AREL1: variants seen among roughly 807,000 people sequenced by gnomAD.
AREL1 encodes apoptosis resistant E3 ubiquitin protein ligase 1.
AREL1 carries 62 observed loss-of-function variants against 99.0 expected under a neutral mutation model. The ratio of observed to expected loss-of-function variants is 0.63; its 90% confidence interval spans 0.51 to 0.77. The LOEUF (loss-of-function observed/expected upper bound fraction) is 0.77, where lower values mean the gene tolerates loss of function less well. AREL1 is among the 30% of genes least tolerant of loss of function. The pLI is 0.00. For missense variants in AREL1, 879 were observed against 1,027.6 expected (o/e 0.86, Z 1.98); for synonymous variants, 380 against 376.5 (o/e 1.01, Z -0.11).
chr14:74,705,490 A>C (rs778340370), intron 1 of AREL1, among the ~76,000 whole-genome samples: 3 of 152,114 alleles, frequency 2.0e-5, no homozygotes, highest in Non-Finnish European at 4.4e-5. Context: ...CACCCCTGAT[A>C]CTGGTTCTTA....
chr14:74,674,047 C>G lies in AREL1; in HGVS notation c.1145G>C (p.Cys382Ser). The change falls in exon 9 of 20, where the codon TGT becomes TCT. Residue 382 changes from cysteine (C) to serine (S), a missense_variant. Physicochemically the swap from Cys to Ser is moderately radical, Grantham distance 112. Transcript: ENST00000356357. Reference sequence around the variant, plus strand: ...GGTTCAGCTTACTTTTGTTCCTGGACACACTCGGAAGGTGTAAAGGCGCCA... The same window carrying G: ...GGTTCAGCTTACTTTTGTTCCTGGAGACACTCGGAAGGTGTAAAGGCGCCA... ...IPWRLYTFRV[C>S]PGTKFSYLGP... 6.2e-7 allele frequency: 1 copy of G among 1,612,968 alleles called. No homozygotes were observed. The highest frequency in any genetic ancestry group is 8.5e-7 in the Non-Finnish European group (1 of 1,179,038).
chr14:74,665,263 T>G (rs2089189066), intron 17 of AREL1, among the ~76,000 whole-genome samples: 1 of 151,824 alleles, frequency 6.6e-6, no homozygotes, highest in Admixed American at 6.6e-5. Flanking sequence ...AGGTATTTCT[T>G]TCTTTTCTTT....
chr14:74,703,359 C>T (rs1308618270), intron 1 of AREL1, among the ~76,000 whole-genome samples: 2 of 152,134 alleles, frequency 1.3e-5, no homozygotes, highest in Non-Finnish European at 2.9e-5. Flanking sequence ...ACCATGAGAA[C>T]AGTATGAGGG....
At chr14:74,709,191 A>G (rs1025678767) in intron 1 of AREL1, among the ~76,000 whole-genome samples, 1 of 152,210 alleles carries the variant, frequency 6.6e-6, no homozygotes. Context: ...TCTCCCAGCT[A>G]CTCAGGAAGC....
rs562358841 is a variant in AREL1 at position 74,701,208 on chromosome 14, T to C, written c.-333-8880A>G. ...GCCAAGGAAAAAGGCAAATTTTCTA[T>C]GGTTGGGAGCCTGGATAAATGAAGG... On this transcript the variant is annotated intron_variant, in intron 1 of 19. Coordinates refer to ENST00000356357, the MANE Select transcript of AREL1 (RefSeq NM_001039479.2). Among the ~76,000 whole-genome samples the C allele has an allele frequency of 3.3e-5, 5 of 152,246 alleles. No homozygotes were observed. In the South Asian group the frequency reaches 8.3e-4, roughly 25 times the overall value.
At chr14:74,675,179 CT>C (rs945812731) in intron 8 of AREL1, among the ~76,000 whole-genome samples, 2 of 152,174 alleles carry the variant, frequency 1.3e-5, no homozygotes, top group South Asian at 2.1e-4. Flanking sequence ...ACCATCACCC[CT>C]AGTCCAAATT....
rs1250467124 is a variant in AREL1 at position 74,669,711 on chromosome 14, T to G, written c.1852A>C (p.Met618Leu). ...GCAAAGACCAGCTCCATCTCACTCA[T>G]GTCATTGTTGAGGATAAAACAAACT... Reference protein sequence around the residue: ...SKVCFILNNDMSEMELVFAEE... With the variant: ...SKVCFILNNDLSEMELVFAEE... The change falls in exon 15 of 20, where the codon ATG becomes CTG. Residue 618 changes from methionine to leucine, a missense_variant. By Grantham distance (15) the Met-to-Leu change is conservative. Transcript: ENST00000356357. 6.2e-7 allele frequency: 1 copy of G among 1,614,192 alleles called. No individual in the cohort carries two copies. The highest frequency in any genetic ancestry group is 2.2e-5 in the East Asian group (1 of 44,878).
At chr14:74,685,366 A>G (rs1410961726) in intron 3 of AREL1, among the ~76,000 whole-genome samples, 1 of 152,144 alleles carries the variant, frequency 6.6e-6, no homozygotes, top group Non-Finnish European at 1.5e-5. Context: ...TTGAAGGCAG[A>G]TTTTTGTCTT....
chr14:74,687,883 A>C (rs2139931999), intron 2 of AREL1, among the ~76,000 whole-genome samples: 1 of 152,272 alleles, frequency 6.6e-6, no homozygotes, highest in Admixed American at 6.5e-5. Flanking sequence ...TTCAAAAGGC[A>C]TGGCTTCTAT....
chr14:74,676,022 C>T (rs1441322503), intron 7 of AREL1, 76 bp from the exon 8 acceptor site: 16 of 1,545,438 alleles, frequency 1.0e-5, no homozygotes, highest in Non-Finnish European at 9.6e-6. Context: ...GCTTTTAGTC[C>T]ACAGGACAAG....
chr14:74,707,748 C>T (rs1320229557), intron 1 of AREL1, among the ~76,000 whole-genome samples: 34 of 89,100 alleles, frequency 3.8e-4, no homozygotes, highest in Non-Finnish European at 9.3e-5. Context: ...GAGCCGAGAT[C>T]GCGCCACTGC....
chr14:74,699,848 G>A (rs921476031), intron 1 of AREL1, among the ~76,000 whole-genome samples: 1 of 152,188 alleles, frequency 6.6e-6, no homozygotes, highest in South Asian at 2.1e-4. Flanking sequence ...AAACGAATCC[G>A]CTGCTCTTGG....
intron 1 of AREL1, among the ~76,000 whole-genome samples, chr14:74,696,891 G>A (rs551255810): frequency 6.6e-6 from 1 of 152,302 alleles, no homozygotes; most frequent in South Asian, 2.1e-4. Flanking sequence ...TTGAACTTGG[G>A]AGGCTTAAGT....
In AREL1 at chr14:74,662,374, TG is replaced by T. The variant is rs1363707153; in HGVS notation, c.*1345del. The T allele has an allele frequency of 2.6e-6, 1 of 389,968 alleles. No individual in the cohort carries two copies. Among genetic ancestry groups the T allele is most frequent in the Non-Finnish European group, 4.5e-6 (1 of 220,870 alleles). The allele number at this position is 389,968 out of a possible 1,614,324, so 24.2% of individuals were successfully genotyped here. On this transcript the variant is annotated 3_prime_UTR_variant, in exon 20 of 20. Coordinates refer to ENST00000356357, the MANE Select transcript of AREL1 (RefSeq NM_001039479.2). Reference sequence around the variant, plus strand: ...GGCTTGTAATATTCTCAGAGTTGACTGCCCCATTGGGAATGGTAGCTTGCAG... The same window carrying T: ...GGCTTGTAATATTCTCAGAGTTGACTCCCCATTGGGAATGGTAGCTTGCAG...
At chr14:74,692,383 A>T in intron 1 of AREL1, 55 bp from the exon 2 acceptor site, 1 of 368,810 alleles carries the variant, frequency 2.7e-6, no homozygotes, top group Non-Finnish European at 5.3e-6. Flanking sequence ...TCTGAAAAGG[A>T]TTCCCCAGAA....
chr14:74,672,603 G>A (rs2089374358), intron 11 of AREL1, among the ~76,000 whole-genome samples: 1 of 152,032 alleles, frequency 6.6e-6, no homozygotes, highest in African/African-American at 2.4e-5. Context: ...CAGGCATGGT[G>A]ACACATACCT....
chr14:74,672,910 C>G lies in AREL1; in HGVS notation c.1343G>C (p.Arg448Pro). 6.2e-7 allele frequency: 1 copy of G among 1,614,144 alleles called. No individual in the cohort carries two copies. Among genetic ancestry groups the G allele is most frequent in the Non-Finnish European group, 8.5e-7 (1 of 1,180,012 alleles). The part of the protein sequence containing the change: ...TFQDKVNFFQ[R>P]ELRQVHMKRP... ...TTTCATATGTACCTGCCGAAGCTCT[C>G]GCTGGAAAAAGTTCACCTTGTCCTG... The change falls in exon 11 of 20, where the codon CGA becomes CCA. Residue 448 changes from arginine to proline, a missense_variant. Transcript: ENST00000356357.
intron 5 of AREL1, among the ~76,000 whole-genome samples, chr14:74,678,854 C>A (rs2089558500): frequency 6.6e-6 from 1 of 152,176 alleles, no homozygotes; most frequent in African/African-American, 2.4e-5. Flanking sequence ...TAGACACCAA[C>A]AGTTTGACCA....
chr14:74,670,511 TAGTAG>T, intron 13 of AREL1: 1 of 435,604 alleles, frequency 2.3e-6, no homozygotes, highest in Non-Finnish European at 4.1e-6. Flanking sequence ...TTATAATAAT[TAGTAG>T]AGTAGACATT....
Sources: gnomAD v4.1 joint callset for allele counts (sites outside exome capture counted in the v4.1 genomes callset) on GRCh38, gnomAD v4.1.1 for gene constraint, MANE v1.5 for transcripts, NCBI Gene and HGNC (gene_info 2026-07-23, HGNC 2026-07-21) for gene names.